NAV2: variants seen among roughly 807,000 people sequenced by gnomAD.
The protein encoded by NAV2 is helicase, APC down-regulated 1.
Under a neutral mutation model 223.2 loss-of-function variants are expected in NAV2, and 54 were observed. The observed-to-expected ratio is 0.24, with a 90% CI of 0.19 to 0.30. The LOEUF is 0.30. NAV2 is among the 10% of genes least tolerant of loss of function. The pLI, the probability that NAV2 is intolerant of heterozygous loss-of-function variation, is 1.00. For missense variants in NAV2, 2,806 were observed against 3,147.5 expected (o/e 0.89, Z 2.60); for synonymous variants, 1,279 against 1,239.3 (o/e 1.03, Z -0.67).
intron 4 of NAV2, among the ~76,000 whole-genome samples, chr11:19,871,477 G>T (rs1434139456): frequency 1.3e-5 from 2 of 152,144 alleles, no homozygotes; most frequent in Admixed American, 6.5e-5. Context: ...TGGGGAAGGT[G>T]CTGTCCTCAG....
chr11:19,493,379 G>C (rs1378869460), intron 1 of NAV2, among the ~76,000 whole-genome samples: 1 of 152,172 alleles, frequency 6.6e-6, no homozygotes, highest in Non-Finnish European at 1.5e-5. Context: ...AAAAACTTAG[G>C]AGAGAGACAC....
At chr11:19,937,939 C>T (rs951227337) in intron 7 of NAV2, among the ~76,000 whole-genome samples, 1 of 152,084 alleles carries the variant, frequency 6.6e-6, no homozygotes, top group Non-Finnish European at 1.5e-5. Flanking sequence ...GGCAAGGAGT[C>T]AAGGAAAGCT....
chr11:19,697,507 C>CT (rs546880604), intron 1 of NAV2, among the ~76,000 whole-genome samples: 2,920 of 144,278 alleles, frequency 0.02, 36 homozygotes, highest in Middle Eastern at 0.048. Context: ...CAAGATAGTT[C>CT]TTTTTTTTTT....
chr11:19,402,320 G>C (rs1170684603), intron 1 of NAV2, among the ~76,000 whole-genome samples: 3 of 152,172 alleles, frequency 2.0e-5, no homozygotes, highest in African/African-American at 7.2e-5. Flanking sequence ...TGTAAAATAA[G>C]GATAACAATA....
chr11:20,103,231 C>T (rs758697462), intron 32 of NAV2, 24 bp from the exon 33 acceptor site: 6 of 1,599,546 alleles, frequency 3.8e-6, no homozygotes, highest in Non-Finnish European at 5.1e-6. Flanking sequence ...ACTTGTTCTC[C>T]TTCGGCCTTC....
Position 20,090,847 on chromosome 11 carries a change from A to G in NAV2, c.5499-18A>G. 6.2e-7 allele frequency: 1 copy of G among 1,612,714 alleles called. No individual in the cohort carries two copies. The highest frequency in any genetic ancestry group is 8.5e-7 in the Non-Finnish European group (1 of 1,179,102). On this transcript the variant is annotated intron_variant, in intron 26 of 37. Coordinates refer to ENST00000349880, the MANE Select transcript of NAV2 (RefSeq NM_145117.5). ...CTAAAAGGAGCTGCTTTCATCAGTA[A>G]CATTCCTCTTTCCCTAGAATTTCAG...
chr11:19,368,210 C>T (rs1025597418), intron 1 of NAV2, among the ~76,000 whole-genome samples: 1 of 152,208 alleles, frequency 6.6e-6, no homozygotes, highest in African/African-American at 2.4e-5. Flanking sequence ...GTAGCAGGTT[C>T]AGAGCCACAA....
intron 1 of NAV2, among the ~76,000 whole-genome samples, chr11:19,830,751 T>A (rs1382749989): frequency 6.6e-6 from 1 of 152,234 alleles, no homozygotes; most frequent in African/African-American, 2.4e-5. Context: ...TTCCTTTTAA[T>A]GTTTATTTTC....
intron 1 of NAV2, among the ~76,000 whole-genome samples, chr11:19,624,648 T>A (rs1168304456): frequency 6.6e-6 from 1 of 152,216 alleles, no homozygotes; most frequent in Non-Finnish European, 1.5e-5. Context: ...CCTGGTGCCA[T>A]CTGTCACAGC....
chr11:19,999,504 G>T (rs1157440106), intron 11 of NAV2, among the ~76,000 whole-genome samples: 1 of 152,144 alleles, frequency 6.6e-6, no homozygotes, highest in Non-Finnish European at 1.5e-5. Flanking sequence ...CAGTAGCTGG[G>T]ATTACAGGCA....
chr11:20,035,651 A>T (rs1009431956), intron 11 of NAV2, among the ~76,000 whole-genome samples: 4 of 152,144 alleles, frequency 2.6e-5, no homozygotes, highest in African/African-American at 9.7e-5. Context: ...GAAGGAACAA[A>T]TTGGTTTCCA....
chr11:19,652,861 T>C (rs1426417186), intron 1 of NAV2, among the ~76,000 whole-genome samples: 1 of 152,270 alleles, frequency 6.6e-6, no homozygotes, highest in Non-Finnish European at 1.5e-5. Context: ...AATTTGCTTC[T>C]TTCTCTTTAA....
chr11:20,117,918 G>A (rs1209044345), intron 37 of NAV2, among the ~76,000 whole-genome samples: 1 of 152,166 alleles, frequency 6.6e-6, no homozygotes, highest in Non-Finnish European at 1.5e-5. Context: ...GTATAAAGAG[G>A]TTAAGTAATG....
At position 19,644,080 on chromosome 11, in the gene NAV2, G is replaced by GCACACACA. The variant is rs151050783; in HGVS notation, c.76-188395_76-188388dup. Among the ~76,000 whole-genome samples the GCACACACA allele has an allele frequency of 1.4e-3, 218 of 151,238 alleles. 1 individual carries two copies. The highest frequency in any genetic ancestry group is 2.7e-3 in the East Asian group (14 of 5,108). On this transcript the variant is annotated intron_variant, in intron 1 of 37. Coordinates refer to the NAV2 transcript ENST00000360655. ...TACCTCTGTGTGCGTGTGTGCATGT[G>GCACACACA]CACACACACACACACAGCAGCCTTT...
At chr11:19,496,051 G>A (rs1013889194) in intron 1 of NAV2, among the ~76,000 whole-genome samples, 1 of 152,164 alleles carries the variant, frequency 6.6e-6, no homozygotes, top group Admixed American at 6.5e-5. Context: ...TTCCAGAAAC[G>A]AAGAAGCAGA....
chr11:19,642,848 G>A (rs769613505), intron 1 of NAV2, among the ~76,000 whole-genome samples: 15 of 152,146 alleles, frequency 9.9e-5, no homozygotes, highest in Non-Finnish European at 1.0e-4. Context: ...CATGCTATCA[G>A]CATGCACCAA....
intron 32 of NAV2, among the ~76,000 whole-genome samples, 155 bp downstream of exon 32, chr11:20,101,327 A>G (rs1223430028): frequency 1.3e-5 from 2 of 152,168 alleles, no homozygotes; most frequent in African/African-American, 4.8e-5. Flanking sequence ...CTAGCAGAAA[A>G]GAAGTTCCAT....
intron 8 of NAV2, among the ~76,000 whole-genome samples, chr11:19,940,160 C>A (rs540584800): frequency 6.6e-6 from 1 of 151,912 alleles, no homozygotes; most frequent in Non-Finnish European, 1.5e-5. Context: ...TAGTGGATTT[C>A]GTTCCTGTAT....
At chr11:19,587,689 G>A (rs2045944558) in intron 1 of NAV2, among the ~76,000 whole-genome samples, 1 of 152,186 alleles carries the variant, frequency 6.6e-6, no homozygotes, top group South Asian at 2.1e-4. Context: ...CTGAAAGTAA[G>A]CAATGGAGCT....
Sources: allele counts gnomAD v4.1 joint callset (sites outside exome capture counted in the v4.1 genomes callset), GRCh38; gene constraint gnomAD v4.1.1; transcripts MANE v1.5; gene names NCBI Gene and HGNC (gene_info 2026-07-23, HGNC 2026-07-21).